The following ABCG1 variants were observed in gnomAD, a reference collection of about 807,000 sequenced individuals.
The protein encoded by ABCG1 is ATP binding cassette subfamily G member 1, also known as ATP-binding cassette sub-family G member 1.
Under a neutral mutation model 69.2 loss-of-function variants are expected in ABCG1, and 29 were observed. The ratio of observed to expected loss-of-function variants is 0.42; its 90% CI spans 0.31 to 0.57. The LOEUF (loss-of-function observed/expected upper bound fraction) is 0.57, where lower values mean the gene tolerates loss of function less well. ABCG1 is among the 20% of genes least tolerant of loss of function. The pLI, the probability that ABCG1 is intolerant of heterozygous loss-of-function variation, is 0.15. For synonymous variants in ABCG1, 370 were observed against 374.8 expected (o/e 0.99, Z 0.15); for missense variants, 718 against 898.1 (o/e 0.80, Z 2.56).
chr21:42,251,474 C>T (rs1028924666), intron 2 of ABCG1, among the ~76,000 whole-genome samples: 1 of 152,182 alleles, frequency 6.6e-6, no homozygotes, highest in African/African-American at 2.4e-5. Flanking sequence ...TGGCCAGCCA[C>T]CGTGTGAAGT....
chr21:42,236,182 G>C (rs1038848447), intron 2 of ABCG1, among the ~76,000 whole-genome samples: 1 of 152,214 alleles, frequency 6.6e-6, no homozygotes, highest in Non-Finnish European at 1.5e-5. Flanking sequence ...CGTTGGCTCC[G>C]CTAAGCCGGC....
chr21:42,251,742 G>T (rs1326781118), intron 2 of ABCG1, among the ~76,000 whole-genome samples: 3 of 152,178 alleles, frequency 2.0e-5, no homozygotes, highest in African/African-American at 7.2e-5. Context: ...GACAGTGGGG[G>T]CCCACCCAGA....
intron 2 of ABCG1, among the ~76,000 whole-genome samples, chr21:42,270,764 C>A (rs778386748): frequency 3.9e-4 from 60 of 152,104 alleles, no homozygotes; most frequent in Non-Finnish European, 7.1e-4. Flanking sequence ...CGCTTCCTCA[C>A]TCTGAGACGG....
intron 2 of ABCG1, among the ~76,000 whole-genome samples, chr21:42,253,555 C>T (rs896988706): frequency 1.1e-4 from 17 of 152,126 alleles, no homozygotes; most frequent in African/African-American, 4.1e-4. Flanking sequence ...GGCAAGCAGC[C>T]CCTCCTAGAG....
chr21:42,259,998 G>A, intron 2 of ABCG1: 1 of 1,481,022 alleles, frequency 6.8e-7, no homozygotes, highest in African/African-American at 1.4e-5. Context: ...GGCCAGTGCG[G>A]CATCCTGCAC....
chr21:42,225,530 C>T, intron 1 of ABCG1, 141 bp from the exon 2 acceptor site: 3 of 1,073,210 alleles, frequency 2.8e-6, no homozygotes, highest in Admixed American at 2.3e-5. Context: ...GCACATTTCT[C>T]CTGGGGCCAA....
chr21:42,208,582 T>C (rs1021111694), intron 2 of ABCG1, among the ~76,000 whole-genome samples: 16 of 152,204 alleles, frequency 1.1e-4, no homozygotes, highest in African/African-American at 3.9e-4. Flanking sequence ...AATAAATACC[T>C]GATAGCAGTG....
chr21:42,224,035 C>T (rs2067773489), intron 1 of ABCG1, among the ~76,000 whole-genome samples: 1 of 152,194 alleles, frequency 6.6e-6, no homozygotes, highest in Admixed American at 6.5e-5. Context: ...ACTGCACACA[C>T]AGCCATCGGG....
chr21:42,260,396 G>A (rs1028889776), intron 2 of ABCG1, among the ~76,000 whole-genome samples: 2 of 152,212 alleles, frequency 1.3e-5, no homozygotes, highest in Admixed American at 1.3e-4. Context: ...GGGAGCCTGA[G>A]TGTGGCAGAG....
chr21:42,206,805 T>C, intron 2 of ABCG1: 1 of 152,146 alleles, frequency 6.6e-6, no homozygotes, highest in East Asian at 1.9e-4. Flanking sequence ...TATTTTAGGT[T>C]ATGTCTATGA....
chr21:42,294,010 G>A (rs1378670581), intron 13 of ABCG1, among the ~76,000 whole-genome samples: 1 of 150,444 alleles, frequency 6.6e-6, no homozygotes, highest in South Asian at 2.1e-4. Flanking sequence ...TCCTACCCCC[G>A]ACACACTCAC....
At chr21:42,285,814 T>C (rs1467268055) in intron 7 of ABCG1, 66 bp from the exon 8 acceptor site, 1 of 1,068,662 alleles carries the variant, frequency 9.4e-7, no homozygotes, top group African/African-American at 1.6e-5. Context: ...ATTGATTGAT[T>C]GAGGGCTCCG....
At position 42,292,448 on chromosome 21, in the gene ABCG1, C is replaced by T. The variant is rs2069081363; in HGVS notation, c.1653+792C>T. Among the ~76,000 whole-genome samples the T allele has an allele frequency of 2.6e-5, 4 of 152,040 alleles. No homozygotes were observed. The South Asian group carries it at 8.3e-4, about 31-fold the overall frequency. ...GTGCTGCAACCCGTGTGCCCCAAGG[C>T]CAGCCCCAGTGCACCTGCTCAGCCA... On this transcript the variant is annotated intron_variant, in intron 13 of 14. Coordinates refer to ENST00000398449, the MANE Select transcript of ABCG1 (RefSeq NM_016818.3).
chr21:42,241,604 C>CAAAAAAAAAAAAAAAAA (rs11330761), intron 2 of ABCG1, among the ~76,000 whole-genome samples: 1 of 130,532 alleles, frequency 7.7e-6, no homozygotes, highest in African/African-American at 2.9e-5. Flanking sequence ...GACCCTGTCT[C>CAAAAAAAAAAAAAAAAA]AAAAAAAAAA....
chr21:42,241,505 C>T (rs777434591), intron 2 of ABCG1, among the ~76,000 whole-genome samples: 63 of 151,232 alleles, frequency 4.2e-4, no homozygotes, highest in Non-Finnish European at 6.3e-4. Context: ...CTCAGGAGGC[C>T]GAGGCACAAG....
chr21:42,264,422 TG>T (rs1272893939), intron 2 of ABCG1, among the ~76,000 whole-genome samples: 1 of 152,120 alleles, frequency 6.6e-6, no homozygotes, highest in Non-Finnish European at 1.5e-5. Flanking sequence ...TCCATCCATC[TG>T]TCCATCCATC....
chr21:42,293,097 C>A (rs1402531750), intron 13 of ABCG1, among the ~76,000 whole-genome samples: 1 of 134,952 alleles, frequency 7.4e-6, no homozygotes, highest in Non-Finnish European at 1.6e-5. Context: ...CTACACACCA[C>A]ACACGGTACA....
At chr21:42,200,692 G>A (rs932560133) in intron 1 of ABCG1, among the ~76,000 whole-genome samples, 1 of 150,742 alleles carries the variant, frequency 6.6e-6, no homozygotes, top group African/African-American at 2.4e-5. Flanking sequence ...GGGTTCAAGT[G>A]ATTCTCCTGC....
In ABCG1 at chr21:42,271,169, A is replaced by C; in HGVS notation, c.386A>C (p.Asn129Thr). The C allele has an allele frequency of 6.4e-7, 1 of 1,573,376 alleles. No homozygotes were observed. The highest frequency in any genetic ancestry group is 1.9e-5 in the Admixed American group (1 of 52,242). The change falls in exon 3 of 15, where the codon AAC becomes ACC. Residue 129 changes from asparagine to threonine, a missense_variant. By Grantham distance (65) the Asn-to-Thr change is moderately conservative (BLOSUM62 0). Around this residue, in one of 2 missense-constraint regions of ABCG1, gnomAD observed 514 missense variants for 574.3 expected, o/e 0.90. Transcript: ENST00000398449. The stretch of plus-strand genomic sequence containing the variant: ...GGGGCCGGGAAGTCCACGCTGATGA[A>C]CATCCTGGCTGGATACAGGTGAGCA... ...PSGAGKSTLM[N>T]ILAGYRETGM...
Sources: allele counts gnomAD v4.1 joint callset (sites outside exome capture counted in the v4.1 genomes callset), GRCh38; gene constraint gnomAD v4.1.1; regional missense constraint gnomAD v4.1.1; transcripts MANE v1.5; gene names NCBI Gene and HGNC (gene_info 2026-07-23, HGNC 2026-07-21).